The following ARMH4 variants were observed in gnomAD, a reference collection of about 807,000 sequenced individuals.
The protein encoded by ARMH4 is armadillo like helical domain containing 4.
Under a neutral mutation model 61.9 loss-of-function variants are expected in ARMH4, and 49 were observed. The observed-to-expected ratio is 0.79, with a 90% CI of 0.63 to 1.00. The LOEUF is 1.00. Ranked by LOEUF, ARMH4 falls within the 50% of genes least tolerant of loss-of-function variation. The probability of loss-of-function intolerance (pLI) is 0.00; values close to 1 mark genes in which losing one functional copy is unlikely to be tolerated. For missense variants in ARMH4, 934 were observed against 930.0 expected, an observed-to-expected ratio of 1.00 and a Z score of -0.06; for synonymous variants, 368 against 341.5, an observed-to-expected ratio of 1.08 and a Z score of -0.85.
chr14:58,029,198 T>A (rs1594702665), intron 5 of ARMH4, among the ~76,000 whole-genome samples: 1 of 151,762 alleles, frequency 6.6e-6, no homozygotes, highest in South Asian at 2.1e-4. Context: ...TCATACAACA[T>A]ATGACCTTTC....
At chr14:58,038,577 G>T (rs1310020614) in intron 5 of ARMH4, among the ~76,000 whole-genome samples, 5 of 141,092 alleles carry the variant, frequency 3.5e-5, no homozygotes, top group African/African-American at 1.3e-4. Context: ...AAAAAAAAAA[G>T]AAATACTTAA....
At chr14:58,131,144 C>T (rs1887080792) in intron 4 of ARMH4, 1 of 190,562 alleles carries the variant, frequency 5.2e-6, no homozygotes, top group African/African-American at 2.4e-5. Flanking sequence ...GTCTCTGTCA[C>T]AGCTTCTTAA....
intron 5 of ARMH4, among the ~76,000 whole-genome samples, chr14:58,021,621 A>G (rs1882833498): frequency 6.6e-6 from 1 of 152,198 alleles, no homozygotes; most frequent in African/African-American, 2.4e-5. Flanking sequence ...GGTCCAGTCA[A>G]GTTGACACAT....
At chr14:58,067,881 G>T (rs1884755024) in intron 5 of ARMH4, among the ~76,000 whole-genome samples, 1 of 152,132 alleles carries the variant, frequency 6.6e-6, no homozygotes, top group African/African-American at 2.4e-5. Flanking sequence ...AATCCCAAGA[G>T]AAGTTGAAAG....
intron 5 of ARMH4, among the ~76,000 whole-genome samples, chr14:58,074,392 A>C (rs760033360): frequency 2.6e-5 from 4 of 152,048 alleles, no homozygotes; most frequent in Non-Finnish European, 5.9e-5. Flanking sequence ...CCTTATCCTG[A>C]TATGAATTAT....
chr14:58,069,330 G>A (rs1849799142), intron 5 of ARMH4, among the ~76,000 whole-genome samples: 1 of 152,158 alleles, frequency 6.6e-6, no homozygotes, highest in African/African-American at 2.4e-5. Flanking sequence ...ATAGATCATA[G>A]GCAATACAAC....
intron 5 of ARMH4, among the ~76,000 whole-genome samples, chr14:58,019,426 A>T (rs904213685): frequency 2.0e-5 from 3 of 152,160 alleles, no homozygotes; most frequent in Admixed American, 1.3e-4. Context: ...ATTTTTTTAT[A>T]AAAAAGTAGT....
chr14:58,115,948 C>T (rs1886503235), intron 4 of ARMH4, among the ~76,000 whole-genome samples: 1 of 152,100 alleles, frequency 6.6e-6, no homozygotes, highest in Non-Finnish European at 1.5e-5. Flanking sequence ...GAAAAACAAA[C>T]TATCTAGTAC....
At chr14:58,118,982 C>T (rs1412040895) in intron 4 of ARMH4, among the ~76,000 whole-genome samples, 1 of 152,180 alleles carries the variant, frequency 6.6e-6, no homozygotes. Context: ...GCTGCTAAAA[C>T]GTTGCAGATT....
chr14:58,026,471 A>G (rs1883024686), intron 5 of ARMH4, among the ~76,000 whole-genome samples: 1 of 152,172 alleles, frequency 6.6e-6, no homozygotes, highest in Non-Finnish European at 1.5e-5. Flanking sequence ...CATTCTCATG[A>G]GATCTCTTCT....
chr14:58,108,411 A>C (rs1402090246), intron 4 of ARMH4, among the ~76,000 whole-genome samples: 4 of 152,226 alleles, frequency 2.6e-5, no homozygotes, highest in Non-Finnish European at 4.4e-5. Context: ...TTTAAGGACT[A>C]GTAAGTTATT....
chr14:58,007,311 T>A (rs913407553), intron 6 of ARMH4, among the ~76,000 whole-genome samples: 3 of 152,226 alleles, frequency 2.0e-5, no homozygotes, highest in Non-Finnish European at 4.4e-5. Flanking sequence ...CACTTAAGCC[T>A]TTTACTTATG....
chr14:58,041,442 G>A (rs987929033), intron 5 of ARMH4, among the ~76,000 whole-genome samples: 2 of 152,064 alleles, frequency 1.3e-5, no homozygotes, highest in Admixed American at 6.6e-5. Flanking sequence ...CTCCTGAAGG[G>A]AACACTAAAC....
chr14:58,051,443 C>G (rs1884139468), intron 5 of ARMH4, among the ~76,000 whole-genome samples: 1 of 152,174 alleles, frequency 6.6e-6, no homozygotes, highest in Non-Finnish European at 1.5e-5. Flanking sequence ...TCATGGCACA[C>G]CACTGGTCTA....
chr14:58,131,560 G>C lies in ARMH4; in HGVS notation c.1783C>G (p.Arg595Gly). ...ERRTVVPSITRVNTAASYGLD... is the reference protein window; with the variant it reads ...ERRTVVPSITGVNTAASYGLD... ...CCATATGAGGCAGCTGTATTAACAC[G>C]AGTAATAGATGGAACAACAGTTCTT... The change falls in exon 4 of 8, where the codon CGT becomes GGT. Residue 595 changes from arginine to glycine, a missense_variant. Physicochemically the swap from Arg to Gly is moderately radical, Grantham distance 125 (BLOSUM62 -2). Coordinates refer to ENST00000267485, the MANE Select transcript of ARMH4 (RefSeq NM_001001872.4). The C allele has an allele frequency of 1.9e-6, 3 of 1,614,180 alleles. No homozygotes were observed. Among genetic ancestry groups the C allele is most frequent in the Non-Finnish European group, 1.7e-6 (2 of 1,180,018 alleles).
At chr14:58,115,433 T>A (rs1886486180) in intron 4 of ARMH4, among the ~76,000 whole-genome samples, 2 of 152,146 alleles carry the variant, frequency 1.3e-5, no homozygotes, top group Non-Finnish European at 1.5e-5. Context: ...CAGATGCTGG[T>A]GAGGTTATAG....
chr14:58,043,803 C>T (rs946983343), intron 5 of ARMH4, among the ~76,000 whole-genome samples: 2 of 152,184 alleles, frequency 1.3e-5, no homozygotes, highest in East Asian at 1.9e-4. Context: ...CATTCTTATA[C>T]ACCAATAACA....
Position 58,139,525 on chromosome 14 carries a change from A to G in ARMH4, c.-56-111T>C, listed in dbSNP as rs1399388026. On this transcript the variant is annotated intron_variant, in intron 1 of 7. Coordinates refer to ENST00000267485, the MANE Select transcript of ARMH4 (RefSeq NM_001001872.4). ...CTCCTTGACTTTATAATACACAGAG[A>G]TGGTAGGTAGGAGAGGACTGTTCTA... 3 of 657,322 alleles carry G rather than the reference A, an allele frequency of 4.6e-6. No homozygotes were observed. In the African/African-American group the frequency reaches 5.5e-5, roughly 12 times the overall value. The allele number at this position is 657,322 out of a possible 1,614,324, so 40.7% of individuals were successfully genotyped here.
At chr14:58,077,039 G>A (rs1357451085) in intron 5 of ARMH4, among the ~76,000 whole-genome samples, 2 of 152,134 alleles carry the variant, frequency 1.3e-5, no homozygotes, top group Admixed American at 6.5e-5. Flanking sequence ...ACCCCAGTGG[G>A]CCCTCCATAC....
Sources: gnomAD v4.1 joint callset for allele counts (sites outside exome capture counted in the v4.1 genomes callset) on GRCh38, gnomAD v4.1.1 for gene constraint, MANE v1.5 for transcripts, NCBI Gene and HGNC (gene_info 2026-07-23, HGNC 2026-07-21) for gene names.